LIMD1: variants seen among roughly 807,000 people sequenced by gnomAD.
LIMD1 encodes LIM domain-containing protein 1.
Under a neutral mutation model 58.4 loss-of-function variants are expected in LIMD1, and 23 were observed. The observed-to-expected ratio is 0.39, with a 90% CI of 0.28 to 0.56. The LOEUF is 0.56. LIMD1 is among the 20% of genes least tolerant of loss of function. The probability of loss-of-function intolerance (pLI) is 0.57; values close to 1 mark genes in which losing one functional copy is unlikely to be tolerated. For synonymous variants in LIMD1, 334 were observed against 345.5 expected, an observed-to-expected ratio of 0.97 and a Z score of 0.37; for missense variants, 838 against 855.5, an observed-to-expected ratio of 0.98 and a Z score of 0.25.
At chr3:45,645,923 C>G (rs1216126148) in intron 2 of LIMD1, among the ~76,000 whole-genome samples, 3 of 151,354 alleles carry the variant, frequency 2.0e-5, no homozygotes, top group Non-Finnish European at 4.4e-5. Context: ...GCCTGTAAGC[C>G]AGTGTAATAC....
intron 2 of LIMD1, among the ~76,000 whole-genome samples, chr3:45,654,666 T>C (rs1702008057): frequency 6.6e-6 from 1 of 151,740 alleles, no homozygotes; most frequent in Non-Finnish European, 1.5e-5. Context: ...CCGTCTCTAC[T>C]AAAAATACAC....
chr3:45,673,529 T>A, intron 6 of LIMD1, 24 bp downstream of exon 6: 2 of 1,586,666 alleles, frequency 1.3e-6, no homozygotes, highest in Non-Finnish European at 1.7e-6. Context: ...CCAGACATGC[T>A]CCCAGGGGCT....
chr3:45,669,993 C>T (rs1433002229), intron 4 of LIMD1, among the ~76,000 whole-genome samples: 1 of 152,144 alleles, frequency 6.6e-6, no homozygotes, highest in Non-Finnish European at 1.5e-5. Flanking sequence ...CTGCTATCTC[C>T]CAGGCTTTGA....
intron 1 of LIMD1, among the ~76,000 whole-genome samples, chr3:45,603,894 G>T (rs1352259919): frequency 2.0e-5 from 3 of 152,000 alleles, no homozygotes; most frequent in Non-Finnish European, 4.4e-5. Flanking sequence ...ACATATCATA[G>T]ATGTTCACAA....
chr3:45,676,343 T>C (rs1450778623), intron 7 of LIMD1, among the ~76,000 whole-genome samples: 2 of 150,102 alleles, frequency 1.3e-5, no homozygotes, highest in East Asian at 1.9e-4. Context: ...TTTTATTTCT[T>C]CTAAAAAAAA....
chr3:45,632,437 C>T (rs1299269900), intron 1 of LIMD1: 1 of 782,394 alleles, frequency 1.3e-6, no homozygotes, highest in Non-Finnish European at 1.6e-6. Flanking sequence ...TGAGGGGATA[C>T]TAAGTGCACT....
chr3:45,649,848 G>T (rs72882563), intron 2 of LIMD1, among the ~76,000 whole-genome samples: 3,271 of 96,198 alleles, frequency 0.034, 85 homozygotes, highest in African/African-American at 0.081. Context: ...AAGTTTTTTT[G>T]TTTTTTTTTT....
rs781678616 is a variant in LIMD1 at position 45,636,262 on chromosome 3, G to T, written c.1510+11G>T. On this transcript the variant is annotated intron_variant, in intron 2 of 7. Transcript: ENST00000273317. ...CCTGTGCAGCTTGCAGTAAGTGTGG[G>T]TGTGGGTGTCGGGTGTGTGGGGGAT... 6.3e-7 allele frequency: 1 copy of T among 1,587,256 alleles called. No individual in the cohort carries two copies. Among genetic ancestry groups the T allele is most frequent in the South Asian group, 1.1e-5 (1 of 88,312 alleles).
At chr3:45,618,753 C>T (rs143433305) in intron 1 of LIMD1, among the ~76,000 whole-genome samples, 2 of 152,162 alleles carry the variant, frequency 1.3e-5, no homozygotes, top group South Asian at 2.1e-4. Flanking sequence ...CAACGATGCC[C>T]GAGGTCAGAT....
chr3:45,666,058 T>C (rs1697514205), intron 3 of LIMD1, among the ~76,000 whole-genome samples: 1 of 152,162 alleles, frequency 6.6e-6, no homozygotes, highest in Non-Finnish European at 1.5e-5. Context: ...GCTTCTCCCA[T>C]GGACTGGAAG....
chr3:45,632,867 A>G (rs79457566), intron 1 of LIMD1, among the ~76,000 whole-genome samples: 5,261 of 152,234 alleles, frequency 0.035, 131 homozygotes, highest in Middle Eastern at 0.054. Flanking sequence ...AGCAGCCGCG[A>G]CACCACTGCT....
intron 1 of LIMD1, among the ~76,000 whole-genome samples, chr3:45,631,987 G>A (rs557022242): frequency 6.6e-6 from 1 of 152,238 alleles, no homozygotes; most frequent in African/African-American, 2.4e-5. Flanking sequence ...GGAAAGGGTG[G>A]GCATGCCATG....
At chr3:45,627,556 C>G (rs1209343406) in intron 1 of LIMD1, among the ~76,000 whole-genome samples, 1 of 151,976 alleles carries the variant, frequency 6.6e-6, no homozygotes, top group East Asian at 1.9e-4. Context: ...TTTGGGAGGC[C>G]AAGATGGGAG....
rs377426415 is a variant in LIMD1 at position 45,619,468 on chromosome 3, G to A, written c.1409-16682G>A. Among the ~76,000 whole-genome samples the A allele has an allele frequency of 3.5e-4, 53 of 152,164 alleles. 5 individuals are homozygous for A. The highest frequency in any genetic ancestry group is 3.3e-3 in the East Asian group (17 of 5,182). On this transcript the variant is annotated intron_variant, in intron 1 of 7. Transcript: ENST00000273317. ...TTTATCTGATATTCGAATTTGCATG[G>A]GACAGTCACTAAAAATTATTTGTTG...
intron 1 of LIMD1, among the ~76,000 whole-genome samples, chr3:45,616,935 A>G (rs1052036953): frequency 6.6e-6 from 1 of 151,458 alleles, no homozygotes; most frequent in Non-Finnish European, 1.5e-5. Flanking sequence ...GGGTTTCACC[A>G]TGTTGGCTAG....
At chr3:45,612,884 A>T (rs192632718) in intron 1 of LIMD1, 1 of 152,362 alleles carries the variant, frequency 6.6e-6, no homozygotes, top group Non-Finnish European at 1.5e-5. Flanking sequence ...TTTTGTGATC[A>T]TTCACAGATA....
intron 1 of LIMD1, among the ~76,000 whole-genome samples, chr3:45,633,214 A>T (rs938208728): frequency 2.0e-5 from 3 of 152,146 alleles, no homozygotes; most frequent in Non-Finnish European, 2.9e-5. Context: ...TCCCCTCCAC[A>T]GGCACATATA....
In LIMD1 at chr3:45,684,110, CAG is replaced by C. The variant is rs769519526; in HGVS notation, c.*7057_*7058del. 1.3e-5 allele frequency: 2 copies of C among 152,166 alleles called. No individual in the cohort carries two copies. Among genetic ancestry groups the C allele is most frequent in the Non-Finnish European group, 2.9e-5 (2 of 68,046 alleles). The allele number at this position is 152,166 out of a possible 1,614,324, so 9.4% of individuals were successfully genotyped here. A position where few individuals can be genotyped will look rare whatever the true frequency, so the allele number is the denominator to read the frequency against. ...TAGGTCATACTCTGTGGGTTATGGT[CAG>C]AGAGATCTGGTTAGAAGTTCCCAGG... On this transcript the variant is annotated 3_prime_UTR_variant, in exon 8 of 8. Coordinates refer to ENST00000273317, the MANE Select transcript of LIMD1 (RefSeq NM_014240.3).
chr3:45,670,515 G>A (rs1459976252), intron 4 of LIMD1, among the ~76,000 whole-genome samples: 1 of 152,152 alleles, frequency 6.6e-6, no homozygotes, highest in African/African-American at 2.4e-5. Context: ...CAGTTGAACT[G>A]GAACATCCAA....
Sources: allele counts gnomAD v4.1 joint callset (sites outside exome capture counted in the v4.1 genomes callset), GRCh38; gene constraint gnomAD v4.1.1; transcripts MANE v1.5; gene names NCBI Gene and HGNC (gene_info 2026-07-23, HGNC 2026-07-21).